TENM4: variants seen among roughly 807,000 people sequenced by gnomAD.
TENM4 encodes teneurin-4.
Under a neutral mutation model 243.3 loss-of-function variants are expected in TENM4, and 82 were observed. The observed-to-expected ratio is 0.34, with a 90% CI of 0.28 to 0.40. The LOEUF (loss-of-function observed/expected upper bound fraction) is 0.40. TENM4 is among the 10% of genes least tolerant of loss of function. The pLI is 1.00. For synonymous variants in TENM4, 1,412 were observed against 1,456.3 expected (o/e 0.97, Z 0.69); for missense variants, 3,138 against 3,673.3 (o/e 0.85, Z 3.77).
chr11:78,724,385 C>G (rs1855468473), intron 23 of TENM4, among the ~76,000 whole-genome samples: 1 of 152,230 alleles, frequency 6.6e-6, no homozygotes, highest in Non-Finnish European at 1.5e-5. Context: ...AGCCACGGTG[C>G]CTGGCCTTTT....
At chr11:79,129,128 G>T (rs1942881) in intron 4 of TENM4, among the ~76,000 whole-genome samples, 126,871 of 152,154 alleles carry the variant, frequency 0.83, 53,670 homozygotes, top group Middle Eastern at 0.96. Flanking sequence ...CTGTTTGTGG[G>T]AGAAGTTTCT....
intron 3 of TENM4, among the ~76,000 whole-genome samples, chr11:79,188,336 C>T (rs1347103950): frequency 1.3e-5 from 2 of 152,186 alleles, no homozygotes; most frequent in Non-Finnish European, 2.9e-5. Context: ...TGGCAAAACA[C>T]ATTCATGGCC....
chr11:79,313,970 C>A (rs377166138), intron 1 of TENM4, among the ~76,000 whole-genome samples: 29 of 152,318 alleles, frequency 1.9e-4, no homozygotes, highest in Middle Eastern at 6.8e-3. Flanking sequence ...CTCCACTCTG[C>A]AGCCCAAGCC....
At chr11:79,323,977 T>C (rs1856933547) in intron 1 of TENM4, among the ~76,000 whole-genome samples, 1 of 152,132 alleles carries the variant, frequency 6.6e-6, no homozygotes, top group Non-Finnish European at 1.5e-5. Flanking sequence ...TCCTTCAGTA[T>C]CCTTGGGGGA....
intron 2 of TENM4, among the ~76,000 whole-genome samples, chr11:79,281,718 A>G (rs908622675): frequency 2.0e-5 from 3 of 152,194 alleles, no homozygotes; most frequent in South Asian, 2.1e-4. Flanking sequence ...AAGGGCTACA[A>G]TGGCCTTTGT....
intron 6 of TENM4, among the ~76,000 whole-genome samples, chr11:78,914,927 G>A (rs1383673070): frequency 6.6e-6 from 1 of 152,140 alleles, no homozygotes; most frequent in Non-Finnish European, 1.5e-5. Context: ...CTTCAATTCA[G>A]TGGCTATCCA....
chr11:78,920,996 G>A (rs753289809), intron 6 of TENM4, among the ~76,000 whole-genome samples: 8 of 152,168 alleles, frequency 5.3e-5, no homozygotes, highest in East Asian at 1.9e-4. Flanking sequence ...GAAGTTTAAC[G>A]CTATCAACTT....
chr11:78,846,889 C>A (rs933079623), intron 12 of TENM4, among the ~76,000 whole-genome samples: 5 of 152,108 alleles, frequency 3.3e-5, no homozygotes, highest in African/African-American at 1.2e-4. Context: ...CTGAGAGAAC[C>A]CTAATTTTGT....
At chr11:79,312,769 T>C (rs1055862222) in intron 1 of TENM4, among the ~76,000 whole-genome samples, 2 of 152,152 alleles carry the variant, frequency 1.3e-5, no homozygotes, top group African/African-American at 4.8e-5. Flanking sequence ...AGGTGCAAGA[T>C]GGAATGGACA....
chr11:79,407,081 T>G (rs570875280), intron 1 of TENM4, among the ~76,000 whole-genome samples: 1 of 152,314 alleles, frequency 6.6e-6, no homozygotes, highest in South Asian at 2.1e-4. Context: ...AAGTGGCCTG[T>G]GTGGACTGAT....
At chr11:79,010,618 C>T (rs1858620510) in intron 6 of TENM4, among the ~76,000 whole-genome samples, 1 of 152,098 alleles carries the variant, frequency 6.6e-6, no homozygotes, top group Non-Finnish European at 1.5e-5. Flanking sequence ...TGGTAGCAGG[C>T]AAAGAAGAGC....
In TENM4 at chr11:78,732,338, C is replaced by T. The variant is rs760940373; in HGVS notation, c.3116G>A (p.Gly1039Asp). The T allele has an allele frequency of 1.2e-6, 2 of 1,607,794 alleles. No individual in the cohort carries two copies. Among genetic ancestry groups the T allele is most frequent in the Middle Eastern group, 1.7e-4 (1 of 6,032 alleles). ...TSFASSCAEK[G>D]PIVPEIQALQ... is the part of the protein sequence containing the mutation. The stretch of plus-strand genomic sequence containing the variant: ...TACCTGAATTTCCGGCACAATGGGG[C>T]CTTTCTCTGCACAGGAGCTGGCGAA... Residue 1039 changes from glycine to aspartate, a missense_variant, in exon 21 of 34, where the codon GGC becomes GAC. Physicochemically the swap from Gly to Asp is moderately conservative, Grantham distance 94 (BLOSUM62 -1). Around this residue, in one of 2 missense-constraint regions of TENM4, gnomAD observed 2,467 missense variants for 3,059.1 expected, o/e 0.81. Transcript: ENST00000278550.
intron 1 of TENM4, among the ~76,000 whole-genome samples, chr11:79,326,972 G>A (rs1307925823): frequency 6.6e-6 from 1 of 152,234 alleles, no homozygotes; most frequent in African/African-American, 2.4e-5. Context: ...TACGGGCAGA[G>A]CCTCATCTCA....
intron 3 of TENM4, among the ~76,000 whole-genome samples, chr11:79,152,185 AAATATT>A (rs775993225): frequency 6.6e-5 from 10 of 152,178 alleles, no homozygotes; most frequent in Non-Finnish European, 1.2e-4. Context: ...CATGGTTCAC[AAATATT>A]AATATGTTGG....
intron 3 of TENM4, among the ~76,000 whole-genome samples, chr11:79,210,217 A>T (rs185893961): frequency 1.3e-5 from 2 of 152,322 alleles, no homozygotes; most frequent in Non-Finnish European, 2.9e-5. Context: ...ATCGCCAGCC[A>T]GGATGAACAG....
chr11:79,368,595 A>T (rs1370169693), intron 1 of TENM4, among the ~76,000 whole-genome samples: 1 of 152,198 alleles, frequency 6.6e-6, no homozygotes, highest in Non-Finnish European at 1.5e-5. Context: ...TCTGCAGGCA[A>T]TCTGCCTACA....
chr11:78,674,927 G>A (rs1303167313), intron 30 of TENM4, among the ~76,000 whole-genome samples: 3 of 151,840 alleles, frequency 2.0e-5, no homozygotes, highest in East Asian at 3.9e-4. Flanking sequence ...GTGCAGCGGC[G>A]CGATCTCGGC....
At chr11:79,066,593 AGCACACACGCGCGT>A (rs1565189566) in intron 5 of TENM4, among the ~76,000 whole-genome samples, 1 of 150,984 alleles carries the variant, frequency 6.6e-6, no homozygotes, top group African/African-American at 2.4e-5. Context: ...CATGCACACA[AGCACACACGCGCGT>A]GCACACACAC....
chr11:78,756,847 T>C lies in TENM4; in HGVS notation c.2714A>G (p.Asp905Gly), dbSNP rs763963055. 3 of 1,613,926 alleles carry C rather than the reference T, an allele frequency of 1.9e-6. No individual in the cohort carries two copies. Among genetic ancestry groups the C allele is most frequent in the South Asian group, 2.2e-5 (2 of 91,058 alleles). Residue 905 changes from aspartate to glycine, a missense_variant, in exon 19 of 34, where the codon GAC (aspartate) becomes GGC (glycine). Physicochemically the swap from Asp to Gly is moderately conservative, Grantham distance 94 (BLOSUM62 -1). This residue lies in a region of TENM4 where 2,467 missense variants were observed against 3,059.1 expected (regional missense o/e 0.81). Transcript: ENST00000278550. ...YDRIKFLVGR[D>G]STHIIPGENP... ...CTCCCCGGGGATTATGTGCGTGCTG[T>C]CCCTGCCCACGAGGAACTTGATGCG...
Sources: allele counts gnomAD v4.1 joint callset (sites outside exome capture counted in the v4.1 genomes callset), GRCh38; gene constraint gnomAD v4.1.1; regional missense constraint gnomAD v4.1.1; transcripts MANE v1.5; gene names NCBI Gene and HGNC (gene_info 2026-07-23, HGNC 2026-07-21).